Variants in PCDH15 observed in about 807,000 individuals in gnomAD.
PCDH15 encodes protocadherin-15.
A neutral mutation model predicts 178.5 loss-of-function variants in PCDH15; 129 were observed. The observed-to-expected ratio is 0.72, with a 90% CI of 0.63 to 0.84. The LOEUF (loss-of-function observed/expected upper bound fraction) is 0.84. Ranked by LOEUF, PCDH15 falls within the 40% of genes least tolerant of loss-of-function variation. The probability of loss-of-function intolerance (pLI) is 0.00; values close to 1 mark genes in which losing one functional copy is unlikely to be tolerated. For missense variants in PCDH15, 2,230 were observed against 2,099.9 expected (o/e 1.06, Z -1.21); for synonymous variants, 800 against 732.0 (o/e 1.09, Z -1.50).
At chr10:54,062,359 CAGTAT>C (rs1243167673) in intron 18 of PCDH15, among the ~76,000 whole-genome samples, 1 of 149,928 alleles carries the variant, frequency 6.7e-6, no homozygotes, top group Non-Finnish European at 1.5e-5. Context: ...AACTCAAATT[CAGTAT>C]AGTAATTAAC....
chr10:54,792,572 C>T (rs750758469), intron 1 of PCDH15, among the ~76,000 whole-genome samples: 9 of 151,810 alleles, frequency 5.9e-5, no homozygotes, highest in South Asian at 2.1e-4. Flanking sequence ...ACTGAAGTCC[C>T]GAACAGAACA....
At chr10:55,521,426 T>A (rs1841173328) in intron 2 of PCDH15, among the ~76,000 whole-genome samples, 1 of 151,186 alleles carries the variant, frequency 6.6e-6, no homozygotes, top group African/African-American at 2.4e-5. Flanking sequence ...CACATTACGA[T>A]TTTTTTTTGT....
chr10:55,025,805 A>G (rs942270360), intron 2 of PCDH15, among the ~76,000 whole-genome samples: 3 of 152,188 alleles, frequency 2.0e-5, no homozygotes, highest in African/African-American at 7.2e-5. Flanking sequence ...GATATTTAGT[A>G]TATATTAAAT....
chr10:53,961,930 A>C (rs745420690), intron 21 of PCDH15, 38 bp from the exon 22 acceptor site: 2 of 1,515,280 alleles, frequency 1.3e-6, no homozygotes, highest in South Asian at 2.3e-5. Context: ...TGCTGTTACC[A>C]AGTTAAAACA....
intron 21 of PCDH15, chr10:53,994,652 T>A (rs2091735255): frequency 3.3e-5 from 5 of 152,086 alleles, no homozygotes; most frequent in Admixed American, 3.3e-4. Flanking sequence ...CAAAGCACAA[T>A]AAAGCAGTTT....
At chr10:54,975,986 C>A (rs1401702866) in intron 2 of PCDH15, among the ~76,000 whole-genome samples, 1 of 151,930 alleles carries the variant, frequency 6.6e-6, no homozygotes, top group Non-Finnish European at 1.5e-5. Context: ...TATGGTAATT[C>A]TGTTTACCCT....
At chr10:55,590,739 G>A (rs1343514452) in intron 2 of PCDH15, among the ~76,000 whole-genome samples, 2 of 152,096 alleles carry the variant, frequency 1.3e-5, no homozygotes, top group Non-Finnish European at 2.9e-5. Context: ...AAGATTGTAA[G>A]TCACTTTATT....
intron 2 of PCDH15, among the ~76,000 whole-genome samples, chr10:55,018,164 A>G (rs1041149405): frequency 6.6e-6 from 1 of 152,122 alleles, no homozygotes; most frequent in Non-Finnish European, 1.5e-5. Context: ...AGAGGCCAGT[A>G]ATATTTTAAG....
upstream of PCDH15, among the ~76,000 whole-genome samples, chr10:55,321,125 A>G (rs913613855): frequency 6.6e-6 from 1 of 151,858 alleles, no homozygotes; most frequent in Non-Finnish European, 1.5e-5. Context: ...GAGAAAGAGA[A>G]AGGAAAAGAA....
intron 2 of PCDH15, among the ~76,000 whole-genome samples, chr10:55,377,923 T>G (rs1442894911): frequency 6.6e-6 from 1 of 152,064 alleles, no homozygotes; most frequent in East Asian, 1.9e-4. Context: ...TAGATGAAGC[T>G]GGAAACCATC....
At chr10:54,031,077 T>C (rs747479018) in intron 18 of PCDH15, among the ~76,000 whole-genome samples, 3 of 152,094 alleles carry the variant, frequency 2.0e-5, no homozygotes, top group South Asian at 2.1e-4. Flanking sequence ...ATACTCCTGC[T>C]TCATCGTTGA....
intron 8 of PCDH15, among the ~76,000 whole-genome samples, chr10:54,260,162 G>GTATT (rs1478791082): frequency 1.3e-5 from 2 of 152,004 alleles, no homozygotes; most frequent in Non-Finnish European, 2.9e-5. Context: ...GTACAAAAGA[G>GTATT]TATTTTAAAA....
chr10:53,996,210 C>CTA (rs3067417), intron 20 of PCDH15, among the ~76,000 whole-genome samples: 78,479 of 151,770 alleles, frequency 0.52, 20,898 homozygotes, highest in Middle Eastern at 0.65. Context: ...TAGCATAATA[C>CTA]TGACTAGAAC....
chr10:54,276,992 C>G (rs1312723498), intron 8 of PCDH15, among the ~76,000 whole-genome samples: 2 of 151,582 alleles, frequency 1.3e-5, no homozygotes, highest in Non-Finnish European at 3.0e-5. Flanking sequence ...TAATTATTCT[C>G]TTTAAAATGA....
intron 5 of PCDH15, among the ~76,000 whole-genome samples, chr10:54,362,968 T>A (rs1946282728): frequency 6.6e-6 from 1 of 152,086 alleles, no homozygotes; most frequent in South Asian, 2.1e-4. Context: ...CTTTAAAAAA[T>A]TTACTCTATA....
At chr10:54,770,549 T>C (rs1202702049) in intron 1 of PCDH15, among the ~76,000 whole-genome samples, 1 of 152,124 alleles carries the variant, frequency 6.6e-6, no homozygotes, top group Non-Finnish European at 1.5e-5. Context: ...ATGCAGGCTG[T>C]GAGGTGGACA....
intron 8 of PCDH15, among the ~76,000 whole-genome samples, chr10:54,293,177 T>G (rs905034963): frequency 4.6e-5 from 7 of 152,122 alleles, no homozygotes; most frequent in Non-Finnish European, 1.0e-4. Flanking sequence ...TCTGCAACCA[T>G]CTGATCTTTG....
chr10:54,618,468 A>T (rs973353390), intron 2 of PCDH15, among the ~76,000 whole-genome samples: 4 of 152,246 alleles, frequency 2.6e-5, no homozygotes, highest in Non-Finnish European at 4.4e-5. Flanking sequence ...GTGTTTTATC[A>T]ACATGATTGC....
intron 2 of PCDH15, among the ~76,000 whole-genome samples, chr10:55,106,759 A>G (rs952846819): frequency 6.6e-6 from 1 of 152,092 alleles, no homozygotes; most frequent in Non-Finnish European, 1.5e-5. Flanking sequence ...TTCTCCCAAC[A>G]AAAAAAGGGG....
Sources: allele counts gnomAD v4.1 joint callset (sites outside exome capture counted in the v4.1 genomes callset), GRCh38; gene constraint gnomAD v4.1.1; transcripts MANE v1.5; gene names NCBI Gene and HGNC (gene_info 2026-07-23, HGNC 2026-07-21).